Variants in RBFOX1 observed in about 807,000 individuals in gnomAD.
RBFOX1 encodes RNA binding protein fox-1 homolog 1.
RBFOX1 carries 8 observed loss-of-function variants against 57.7 expected under a neutral mutation model. The ratio of observed to expected loss-of-function variants is 0.14; its 90% CI spans 0.08 to 0.25. The LOEUF is 0.25. Among genes scored for constraint, RBFOX1 ranks in the 10% least tolerant of loss-of-function variants. The pLI, the probability that RBFOX1 is intolerant of heterozygous loss-of-function variation, is 1.00. For missense variants in RBFOX1, 611 were observed against 548.5 expected, an observed-to-expected ratio of 1.11 and a Z score of -1.14; for synonymous variants, 326 against 222.4, an observed-to-expected ratio of 1.47 and a Z score of -4.15.
chr16:6,435,692 G>T (rs1247085838), intron 2 of RBFOX1, among the ~76,000 whole-genome samples: 1 of 152,156 alleles, frequency 6.6e-6, no homozygotes, highest in African/African-American at 2.4e-5. Flanking sequence ...CTTCTCTTCA[G>T]TTACCTATAA....
chr16:6,940,881 G>GTGTGTT, intron 3 of RBFOX1, among the ~76,000 whole-genome samples: 1 of 140,798 alleles, frequency 7.1e-6, no homozygotes, highest in Non-Finnish European at 1.6e-5. Context: ...GTGTGTGTGT[G>GTGTGTT]TGTGTGTGTT....
chr16:6,921,194 A>G, intron 3 of RBFOX1, among the ~76,000 whole-genome samples: 1 of 152,184 alleles, frequency 6.6e-6, no homozygotes, highest in East Asian at 1.9e-4. Flanking sequence ...TGAGTTTTCT[A>G]TTCTGTGTTA....
intron 3 of RBFOX1, among the ~76,000 whole-genome samples, chr16:6,866,539 C>CTTTTTTTTTTTTTTTTTTTTTT (rs1161474639): frequency 2.0e-5 from 1 of 49,082 alleles, no homozygotes; most frequent in African/African-American, 1.2e-4. Context: ...TTCTTTCCTT[C>CTTTTTTTTTTTTTTTTTTTTTT]TATTTTTTTT....
At chr16:6,567,644 C>G (rs917191097) in intron 2 of RBFOX1, among the ~76,000 whole-genome samples, 1 of 152,114 alleles carries the variant, frequency 6.6e-6, no homozygotes, top group Non-Finnish European at 1.5e-5. Flanking sequence ...GCGCCACATC[C>G]CAGCACTACA....
chr16:6,187,789 C>CA (rs1282149592), intron 1 of RBFOX1, among the ~76,000 whole-genome samples: 1 of 152,138 alleles, frequency 6.6e-6, no homozygotes, highest in Non-Finnish European at 1.5e-5. Context: ...ATAACATTAA[C>CA]AAACGTTTGC....
In RBFOX1 at chr16:6,702,229, C is replaced by T. The variant is rs936229022; in HGVS notation, c.-16+47579C>T. On this transcript the variant is annotated intron_variant, in intron 3 of 15. Transcript: ENST00000550418. The stretch of plus-strand genomic sequence containing the variant: ...GACCCACCTCCAACACTGGAGATCA[C>T]ATTTCAACATGAGATATGGATGGGA... Among the ~76,000 whole-genome samples the T allele has an allele frequency of 4.6e-5, 7 of 152,288 alleles. No individual in the cohort carries two copies. The South Asian group carries it at 1.2e-3, about 27-fold the overall frequency.
At chr16:6,522,794 A>T (rs1285429273) in intron 2 of RBFOX1, among the ~76,000 whole-genome samples, 1 of 152,176 alleles carries the variant, frequency 6.6e-6, no homozygotes, top group Non-Finnish European at 1.5e-5. Context: ...TGATAATGCA[A>T]CCCAAACCTT....
intron 1 of RBFOX1, among the ~76,000 whole-genome samples, chr16:5,423,896 A>C (rs756630917): frequency 6.6e-6 from 1 of 152,142 alleles, no homozygotes; most frequent in Non-Finnish European, 1.5e-5. Flanking sequence ...AGCATCTCAG[A>C]GTAGTTTAGA....
At chr16:7,000,036 C>CA (rs1469531542) in intron 3 of RBFOX1, among the ~76,000 whole-genome samples, 1 of 147,772 alleles carries the variant, frequency 6.8e-6, no homozygotes, top group Non-Finnish European at 1.5e-5. Flanking sequence ...CACACCACTG[C>CA]ACTCCAGCCT....
At chr16:6,989,141 C>T (rs2090965560) in intron 3 of RBFOX1, among the ~76,000 whole-genome samples, 1 of 152,166 alleles carries the variant, frequency 6.6e-6, no homozygotes, top group Non-Finnish European at 1.5e-5. Flanking sequence ...AGTGATCTGC[C>T]CGCCTCAGCC....
intron 3 of RBFOX1, among the ~76,000 whole-genome samples, chr16:5,847,157 C>G (rs1349970499): frequency 6.6e-6 from 1 of 152,126 alleles, no homozygotes; most frequent in African/African-American, 2.4e-5. Flanking sequence ...AATTTGGTGA[C>G]TCCAGGAACT....
chr16:7,654,501 A>C (rs1317976171), intron 12 of RBFOX1, among the ~76,000 whole-genome samples: 1 of 152,206 alleles, frequency 6.6e-6, no homozygotes, highest in Non-Finnish European at 1.5e-5. Context: ...TGCGTTTTCC[A>C]AAATGGCATT....
chr16:6,197,123 A>G (rs1472981672), intron 1 of RBFOX1, among the ~76,000 whole-genome samples: 1 of 152,172 alleles, frequency 6.6e-6, no homozygotes, highest in Non-Finnish European at 1.5e-5. Flanking sequence ...GGAGGTTCTG[A>G]AATAGTGTCA....
At chr16:7,681,790 A>C (rs775915415) in intron 14 of RBFOX1, among the ~76,000 whole-genome samples, 1 of 152,116 alleles carries the variant, frequency 6.6e-6, no homozygotes, top group East Asian at 1.9e-4. Context: ...GAAAGTACAC[A>C]TGCAAAGCAG....
At chr16:7,025,420 C>CCT (rs768726548) in intron 3 of RBFOX1, among the ~76,000 whole-genome samples, 8 of 152,120 alleles carry the variant, frequency 5.3e-5, no homozygotes, top group Non-Finnish European at 1.2e-4. Context: ...TTTGTGCTGA[C>CCT]CTCCTATTTT....
chr16:5,470,153 G>C (rs1303549879), intron 2 of RBFOX1, among the ~76,000 whole-genome samples: 1 of 152,206 alleles, frequency 6.6e-6, no homozygotes, highest in Non-Finnish European at 1.5e-5. Context: ...GAACAGAGCC[G>C]AGGTCTCAAG....
intron 2 of RBFOX1, among the ~76,000 whole-genome samples, chr16:6,595,260 T>A (rs987109279): frequency 2.0e-5 from 3 of 152,210 alleles, no homozygotes; most frequent in African/African-American, 7.2e-5. Context: ...TTCTGCTCTA[T>A]CTCTATAGGT....
intron 1 of RBFOX1, among the ~76,000 whole-genome samples, chr16:6,046,102 C>G (rs1044904524): frequency 2.6e-5 from 4 of 152,146 alleles, no homozygotes; most frequent in Non-Finnish European, 5.9e-5. Context: ...GAGGAACATT[C>G]TGATTTTTGT....
chr16:6,105,832 T>C (rs1388016047), intron 1 of RBFOX1, among the ~76,000 whole-genome samples: 1 of 152,164 alleles, frequency 6.6e-6, no homozygotes, highest in Non-Finnish European at 1.5e-5. Context: ...GCTGTATATG[T>C]TCCATACCCT....
Sources: gnomAD v4.1 joint callset for allele counts (sites outside exome capture counted in the v4.1 genomes callset) on GRCh38, gnomAD v4.1.1 for gene constraint, MANE v1.5 for transcripts, NCBI Gene and HGNC (gene_info 2026-07-23, HGNC 2026-07-21) for gene names.